DHX8: variants seen among roughly 807,000 people sequenced by gnomAD.
DHX8 encodes the protein ATP-dependent RNA helicase DHX8.
Under a neutral mutation model 140.7 loss-of-function variants are expected in DHX8, and 67 were observed. The ratio of observed to expected loss-of-function variants is 0.48; its 90% confidence interval spans 0.39 to 0.58. The LOEUF is 0.58. Among genes scored for constraint, DHX8 ranks in the 20% least tolerant of loss-of-function variants. The pLI is 0.00. For synonymous variants in DHX8, 533 were observed against 553.2 expected, an observed-to-expected ratio of 0.96 and a Z score of 0.51; for missense variants, 887 against 1,550.7, an observed-to-expected ratio of 0.57 and a Z score of 7.19.
chr17:43,530,607 CGCGTGTGTGT>C (rs750213225), downstream of DHX8, among the ~76,000 whole-genome samples: 11 of 138,736 alleles, frequency 7.9e-5, no homozygotes, highest in South Asian at 4.9e-4. Context: ...TGTGCACGCG[CGCGTGTGTGT>C]GTGTGTGTGT....
intron 2 of DHX8, among the ~76,000 whole-genome samples, chr17:43,536,116 GA>G (rs1262053112): frequency 2.8e-5 from 4 of 143,102 alleles, no homozygotes; most frequent in African/African-American, 1.0e-4. Flanking sequence ...GTCTTGGGGG[GA>G]AAACAAACAA....
chr17:43,491,287 T>C, intron 4 of DHX8, 37 bp downstream of exon 4: 2 of 1,143,748 alleles, frequency 1.7e-6, no homozygotes, highest in Non-Finnish European at 1.2e-6. Flanking sequence ...ACTATAAATA[T>C]ATATTCTCAA....
At chr17:43,511,694 A>G (rs527506244) in intron 16 of DHX8, among the ~76,000 whole-genome samples, 8 of 150,444 alleles carry the variant, frequency 5.3e-5, no homozygotes, top group Non-Finnish European at 1.0e-4. Flanking sequence ...CTGATCTCAG[A>G]TGATCCATCC....
intron 16 of DHX8, 98 bp downstream of exon 16, chr17:43,508,618 C>CTT (rs369283745): frequency 6.3e-4 from 332 of 527,452 alleles, no homozygotes; most frequent in South Asian, 1.2e-3. Flanking sequence ...GTATGCAAGT[C>CTT]TTTTTTTTTT....
chr17:43,514,492 T>C lies in DHX8; in HGVS notation c.2643+990T>C, dbSNP rs577568625. On this transcript the variant is annotated intron_variant, in intron 17 of 22. Transcript: ENST00000262415. ...GCTACGAGATAGATATCTGAGATAA[T>C]AATAAATTATATGATTTTCTGGTTT... Among the ~76,000 whole-genome samples the C allele has an allele frequency of 4.6e-5, 7 of 152,276 alleles. No homozygotes were observed. The East Asian group carries it at 9.6e-4, about 21-fold the overall frequency.
At chr17:43,489,889 A>C (rs1261020559) in intron 2 of DHX8, among the ~76,000 whole-genome samples, 2 of 152,268 alleles carry the variant, frequency 1.3e-5, no homozygotes, top group African/African-American at 2.4e-5. Flanking sequence ...TAATGTCACT[A>C]TTGATTTTAA....
intron 2 of DHX8, chr17:43,532,849 C>T (rs1286472520): frequency 1.9e-6 from 3 of 1,613,526 alleles, no homozygotes; most frequent in Non-Finnish European, 2.5e-6. Flanking sequence ...GCTCCGACAG[C>T]TGGTGTTGGT....
At chr17:43,529,336 C>A, downstream of DHX8, 2 of 1,409,780 alleles carry the variant, frequency 1.4e-6, no homozygotes, top group South Asian at 1.2e-5. Context: ...TGCAAAGTGC[C>A]AAGCTAGCTC....
At chr17:43,515,545 G>A (rs151319315) in intron 17 of DHX8, among the ~76,000 whole-genome samples, 7 of 152,308 alleles carry the variant, frequency 4.6e-5, no homozygotes, top group African/African-American at 1.7e-4. Context: ...TTGACTTGGT[G>A]CATTCTCGCA....
Position 43,489,451 on chromosome 17 carries a change from G to T in DHX8, c.151G>T (p.Glu51Ter). The T allele has an allele frequency of 1.2e-6, 2 of 1,600,962 alleles. No individual in the cohort carries two copies. The highest frequency in any genetic ancestry group is 1.7e-6 in the Non-Finnish European group (2 of 1,173,828). ...TGAATTCTGTTTCTTATTTGCAGCT[G>T]AATTTGTGATCAGTCTTGCTGAGAA... ...HLGINDKDLA[E>*]FVISLAEKNT... The change falls in exon 2 of 23, where the codon GAA becomes TAA. Residue 51 changes from glutamate to a stop codon, truncating the protein, a stop_gained and splice_region_variant. Coordinates refer to ENST00000262415, the MANE Select transcript of DHX8 (RefSeq NM_004941.3). LOFTEE classifies it high-confidence loss of function.
downstream of DHX8, chr17:43,530,568 GT>G (rs1333990343): frequency 3.9e-6 from 2 of 516,224 alleles, no homozygotes; most frequent in Non-Finnish European, 6.0e-6. Flanking sequence ...GGACAAAAAT[GT>G]CCGGTCAGCA....
In DHX8 at chr17:43,511,851, CAAAAAAAA is replaced by C. The variant is rs1210970204; in HGVS notation, c.2503-1497_2503-1490del. ...CAACATGGTGAGACCCCTATCTCTA[CAAAAAAAA>C]AAAAAAAAAAAAATCAGCCAGGCGT... On this transcript the variant is annotated intron_variant, in intron 16 of 22. Coordinates refer to ENST00000262415, the MANE Select transcript of DHX8 (RefSeq NM_004941.3). Among the ~76,000 whole-genome samples, 367 of 68,010 alleles carry C rather than the reference CAAAAAAAA, an allele frequency of 5.4e-3. 2 individuals carry two copies. Among genetic ancestry groups the C allele is most frequent in the African/African-American group, 0.022 (352 of 15,950 alleles). The allele number at this position is 68,010 out of a possible 152,430, so 44.6% of individuals were successfully genotyped here.
chr17:43,516,906 T>TA (rs1970142216), intron 17 of DHX8, among the ~76,000 whole-genome samples: 1 of 152,202 alleles, frequency 6.6e-6, no homozygotes, highest in Non-Finnish European at 1.5e-5. Flanking sequence ...ATTTTGAAGA[T>TA]ATATGTCTCA....
chr17:43,514,479 A>G (rs915759422), intron 17 of DHX8, among the ~76,000 whole-genome samples: 1 of 152,198 alleles, frequency 6.6e-6, no homozygotes, highest in African/African-American at 2.4e-5. Context: ...TACGAGATAG[A>G]TATCTGAGAT....
intron 17 of DHX8, among the ~76,000 whole-genome samples, chr17:43,516,706 C>T (rs1970131287): frequency 6.6e-6 from 1 of 152,068 alleles, no homozygotes; most frequent in African/African-American, 2.4e-5. Context: ...ACCTTGGCCT[C>T]CCAAAGTGCT....
intron 20 of DHX8, 84 bp downstream of exon 20, chr17:43,520,963 ACTTT>A: frequency 7.6e-6 from 5 of 656,116 alleles, no homozygotes; most frequent in Non-Finnish European, 1.0e-5. Context: ...CTTGATGTGG[ACTTT>A]TTTTTTTTTT....
chr17:43,496,079 C>T (rs1968839949), intron 8 of DHX8, 102 bp from the exon 9 acceptor site: 2 of 829,682 alleles, frequency 2.4e-6, no homozygotes, highest in Non-Finnish European at 1.9e-6. Context: ...GCCTGGGTGA[C>T]AGAGCAAGAT....
At chr17:43,529,103 C>G (rs769840030), downstream of DHX8, 31 of 1,605,390 alleles carry the variant, frequency 1.9e-5, 1 homozygote, top group Non-Finnish European at 1.7e-5. Flanking sequence ...CACTGCCCCC[C>G]ACCACCTTGT....
intron 2 of DHX8, chr17:43,533,823 TCTC>T (rs1291496608): frequency 3.7e-6 from 6 of 1,603,102 alleles, no homozygotes; most frequent in Middle Eastern, 3.6e-4. Flanking sequence ...CTGGAACCCT[TCTC>T]CTACCCTTCA....
Sources: gnomAD v4.1 joint callset for allele counts (sites outside exome capture counted in the v4.1 genomes callset) on GRCh38, gnomAD v4.1.1 for gene constraint, MANE v1.5 for transcripts, NCBI Gene and HGNC (gene_info 2026-07-23, HGNC 2026-07-21) for gene names.